Variants in TENM3 observed in about 807,000 individuals in gnomAD.
TENM3 encodes the protein teneurin-3.
Under a neutral mutation model 255.1 loss-of-function variants are expected in TENM3, and 63 were observed. That is an observed-to-expected ratio of 0.25 (90% confidence interval 0.20 to 0.30). The LOEUF is 0.30. Ranked by LOEUF, TENM3 falls within the 10% of genes least tolerant of loss-of-function variation. The pLI is 1.00. For missense variants in TENM3, 2,929 were observed against 3,461.1 expected, an observed-to-expected ratio of 0.85 and a Z score of 3.86; for synonymous variants, 1,306 against 1,322.3, an observed-to-expected ratio of 0.99 and a Z score of 0.27.
intron 2 of TENM3, among the ~76,000 whole-genome samples, chr4:182,340,746 G>A (rs1485647182): frequency 6.6e-6 from 1 of 152,160 alleles, no homozygotes; most frequent in Non-Finnish European, 1.5e-5. Context: ...ACATGGTGGT[G>A]CCACTGATTC....
the TENM3 span, among the ~76,000 whole-genome samples, chr4:182,033,933 G>T: frequency 6.6e-6 from 1 of 151,990 alleles, no homozygotes; most frequent in Non-Finnish European, 1.5e-5. Context: ...ATGTGTCTTT[G>T]CCTGTGAGAT....
At chr4:181,763,547 T>C in the TENM3 span, among the ~76,000 whole-genome samples, 5 of 152,332 alleles carry the variant, frequency 3.3e-5, no homozygotes, top group Non-Finnish European at 5.9e-5. Flanking sequence ...TTATATGAAA[T>C]TCAAGTTCTA....
the TENM3 span, among the ~76,000 whole-genome samples, chr4:181,948,060 A>C: frequency 3.9e-5 from 6 of 152,234 alleles, no homozygotes; most frequent in Non-Finnish European, 2.9e-5. Flanking sequence ...AGTAAAGAAA[A>C]GCGAGCACTC....
At chr4:182,732,470 G>A (rs866811103) in intron 16 of TENM3, among the ~76,000 whole-genome samples, 6 of 152,162 alleles carry the variant, frequency 3.9e-5, no homozygotes, top group African/African-American at 9.7e-5. Context: ...ATTGTGTTCC[G>A]TCCCACATGT....
the TENM3 span, among the ~76,000 whole-genome samples, chr4:181,701,698 A>G: frequency 1.3e-5 from 2 of 152,224 alleles, no homozygotes; most frequent in Non-Finnish European, 2.9e-5. Flanking sequence ...GATTTTGAAT[A>G]AATATTTCAT....
chr4:181,703,512 T>C, the TENM3 span, among the ~76,000 whole-genome samples: 1 of 152,198 alleles, frequency 6.6e-6, no homozygotes, highest in East Asian at 1.9e-4. Flanking sequence ...AGGTGCCATA[T>C]TGATGCGTTA....
the TENM3 span, among the ~76,000 whole-genome samples, chr4:181,840,437 G>A: frequency 6.6e-6 from 1 of 152,054 alleles, no homozygotes; most frequent in African/African-American, 2.4e-5. Context: ...TCTCAGGAGT[G>A]AGTGTATTTG....
At chr4:182,290,331 G>A (rs1356729151) in intron 1 of TENM3, among the ~76,000 whole-genome samples, 1 of 152,166 alleles carries the variant, frequency 6.6e-6, no homozygotes, top group African/African-American at 2.4e-5. Context: ...CAGAGGCCTG[G>A]TTTCTGAATC....
rs749284361 is a variant in TENM3, at chr4:182,775,992, GATAGATAGGAGATATAT to G, written c.5304+860_5304+876del. The stretch of plus-strand genomic sequence containing the variant: ...TAGATAGATAGATTATATATATATA[GATAGATAGGAGATATAT>G]ATAGATAGGAGATATATATATAGCT... On this transcript the variant is annotated intron_variant, in intron 24 of 27. Transcript: ENST00000511685. Among the ~76,000 whole-genome samples the G allele has an allele frequency of 2.2e-3, 335 of 151,836 alleles. 3 individuals are homozygous for G. Among genetic ancestry groups the G allele is most frequent in the Non-Finnish European group, 4.1e-3 (276 of 67,954 alleles).
chr4:182,490,770 C>T (rs1735222366), intron 3 of TENM3, among the ~76,000 whole-genome samples: 1 of 151,540 alleles, frequency 6.6e-6, no homozygotes, highest in African/African-American at 2.4e-5. Context: ...GGCATCGTAT[C>T]AAGCTTAAAC....
At chr4:181,612,616 C>T in the TENM3 span, among the ~76,000 whole-genome samples, 2 of 152,048 alleles carry the variant, frequency 1.3e-5, no homozygotes, top group Non-Finnish European at 2.9e-5. Flanking sequence ...TGTGTTTTAT[C>T]AAACCTTAAG....
the TENM3 span, among the ~76,000 whole-genome samples, chr4:181,635,139 C>CT: frequency 6.6e-6 from 1 of 152,144 alleles, no homozygotes; most frequent in African/African-American, 2.4e-5. Flanking sequence ...TCAAAATTTT[C>CT]TCTGCATCAG....
intron 3 of TENM3, among the ~76,000 whole-genome samples, chr4:182,431,972 A>G (rs1771684228): frequency 6.6e-6 from 1 of 151,630 alleles, no homozygotes; most frequent in Non-Finnish European, 1.5e-5. Context: ...GTTACTCAGG[A>G]GGCTGTGGCA....
At chr4:182,559,430 G>T (rs567938582) in intron 3 of TENM3, among the ~76,000 whole-genome samples, 1 of 152,158 alleles carries the variant, frequency 6.6e-6, no homozygotes, top group South Asian at 2.1e-4. Context: ...TAATTACAAT[G>T]AAATAGTAAC....
the TENM3 span, among the ~76,000 whole-genome samples, chr4:181,508,377 C>A: frequency 1.3e-5 from 2 of 152,136 alleles, no homozygotes; most frequent in African/African-American, 2.4e-5. Context: ...CACTGGAACT[C>A]CAAAGAGGAT....
intron 6 of TENM3, 59 bp from the exon 7 acceptor site, chr4:182,672,946 T>A: frequency 7.8e-7 from 1 of 1,282,024 alleles, no homozygotes; most frequent in Non-Finnish European, 1.1e-6. Context: ...TTAAAAACCT[T>A]TTTTGTTTTG....
intron 23 of TENM3, 96 bp downstream of exon 23, chr4:182,773,743 G>A: frequency 1.8e-6 from 2 of 1,087,418 alleles, no homozygotes; most frequent in African/African-American, 1.6e-5. Flanking sequence ...AAGGGAAGGT[G>A]AAAATGTAAA....
At chr4:182,724,892 T>C (rs1760040281) in intron 13 of TENM3, among the ~76,000 whole-genome samples, 1 of 152,218 alleles carries the variant, frequency 6.6e-6, no homozygotes, top group Admixed American at 6.5e-5. Flanking sequence ...TGTGTTGTTA[T>C]TCTCCCAAGC....
At chr4:181,606,604 C>T in the TENM3 span, among the ~76,000 whole-genome samples, 1 of 152,202 alleles carries the variant, frequency 6.6e-6, no homozygotes, top group Non-Finnish European at 1.5e-5. Context: ...TCCATGGCCT[C>T]ACATGCAGGT....
Sources: gnomAD v4.1 joint callset for allele counts (sites outside exome capture counted in the v4.1 genomes callset) on GRCh38, gnomAD v4.1.1 for gene constraint, MANE v1.5 for transcripts, NCBI Gene and HGNC (gene_info 2026-07-23, HGNC 2026-07-21) for gene names.